The following CSRP1 variants were observed in gnomAD, a reference collection of about 807,000 sequenced individuals.
CSRP1 encodes cysteine and glycine rich protein 1.
CSRP1 carries 16 observed loss-of-function variants against 25.4 expected under a neutral mutation model. That is an observed-to-expected ratio of 0.63 (90% CI 0.43 to 0.96). The LOEUF (loss-of-function observed/expected upper bound fraction) is 0.96. Among genes scored for constraint, CSRP1 ranks in the 40% least tolerant of loss-of-function variants. CSRP1 has a pLI of 0.00. For synonymous variants in CSRP1, 97 were observed against 95.3 expected (o/e 1.02, Z -0.10); for missense variants, 212 against 243.6 (o/e 0.87, Z 0.86).
At chr1:201,491,308 A>C (rs1434123845) in intron 2 of CSRP1, 1 of 152,194 alleles carries the variant, frequency 6.6e-6, no homozygotes, top group Admixed American at 6.5e-5. Flanking sequence ...TTTAAAAATA[A>C]AAATAAAGTT....
chr1:201,490,476 CT>C, intron 2 of CSRP1, 132 bp from the exon 3 acceptor site: 1 of 939,790 alleles, frequency 1.1e-6, no homozygotes, highest in Non-Finnish European at 1.6e-6. Flanking sequence ...CAGGAACTGT[CT>C]ACAAATGGAG....
intron 3 of CSRP1, 146 bp downstream of exon 3, chr1:201,490,030 G>T: frequency 1.3e-6 from 1 of 777,426 alleles, no homozygotes; most frequent in Non-Finnish European, 2.0e-6. Flanking sequence ...CTGACACATA[G>T]ACACTGCTCT....
chr1:201,484,606 G>T lies in CSRP1; in HGVS notation c.*107C>A, dbSNP rs542937648. On this transcript the variant is annotated 3_prime_UTR_variant, in exon 6 of 6. Transcript: ENST00000340006. ...CCCAAGTTCAAGTCATTAGTGATAT[G>T]TGGCAGGGCTGACAGAGAAATAATC... 83 of 1,076,446 alleles carry T rather than the reference G, an allele frequency of 7.7e-5. No individual in the cohort carries two copies. The Admixed American group carries it at 1.9e-3, about 24-fold the overall frequency. The allele number at this position is 1,076,446 out of a possible 1,614,324, so 66.7% of individuals were successfully genotyped here. A position where few individuals can be genotyped will look rare whatever the true frequency, so the allele number is the denominator to read the frequency against.
intron 1 of CSRP1, among the ~76,000 whole-genome samples, chr1:201,505,122 C>CA (rs1157669624): frequency 6.6e-6 from 1 of 151,798 alleles, no homozygotes; most frequent in East Asian, 1.9e-4. Context: ...CAAAAAAGCC[C>CA]AAAAAAAACC....
chr1:201,487,054 T>G (rs780283262), intron 4 of CSRP1: 2 of 1,148,086 alleles, frequency 1.7e-6, no homozygotes, highest in Non-Finnish European at 2.4e-6. Context: ...ATAGCAAAAC[T>G]GTACTGAGGA....
chr1:201,487,290 G>A, intron 4 of CSRP1: 1 of 179,148 alleles, frequency 5.6e-6, no homozygotes, highest in Non-Finnish European at 1.2e-5. Flanking sequence ...GCGCGTGCCT[G>A]TAGTCCCATC....
intron 4 of CSRP1, 117 bp from the exon 5 acceptor site, chr1:201,485,493 A>C (rs1394747447): frequency 5.7e-6 from 5 of 880,508 alleles, no homozygotes; most frequent in Non-Finnish European, 7.4e-6. Context: ...TCTGAAGTCT[A>C]CTCAGCTGGT....
intron 4 of CSRP1, chr1:201,487,068 AC>A: frequency 1.0e-6 from 1 of 992,338 alleles, no homozygotes; most frequent in Non-Finnish European, 1.4e-6. Context: ...CTGAGGACAT[AC>A]CAGGCACTAC....
At position 201,485,232 on chromosome 1, in the gene CSRP1, C is replaced by T. The variant is rs755489328; in HGVS notation, c.505+51G>A. On this transcript the variant is annotated intron_variant, in intron 5 of 5. Transcript: ENST00000340006. Reference sequence around the variant, plus strand: ...TCAGCAAAGGCAAAACTACTTAGCCCCCCTACCCCCTTGGGCCTCCTGACC... The same window carrying T: ...TCAGCAAAGGCAAAACTACTTAGCCTCCCTACCCCCTTGGGCCTCCTGACC... The T allele has an allele frequency of 1.2e-5, 19 of 1,537,390 alleles. No homozygotes were observed. The Admixed American group carries it at 3.2e-4, about 26-fold the overall frequency.
intron 1 of CSRP1, among the ~76,000 whole-genome samples, chr1:201,506,357 C>T (rs1200939886): frequency 2.6e-5 from 4 of 152,166 alleles, no homozygotes; most frequent in Non-Finnish European, 5.9e-5. Flanking sequence ...ACAACAGCAC[C>T]AGAACCAGAA....
intron 2 of CSRP1, among the ~76,000 whole-genome samples, chr1:201,495,065 A>C (rs1167886823): frequency 6.6e-6 from 1 of 152,150 alleles, no homozygotes; most frequent in African/African-American, 2.4e-5. Context: ...TTTTTAACTA[A>C]GACATTCTTC....
At chr1:201,503,584 G>A (rs1446157893) in intron 1 of CSRP1, among the ~76,000 whole-genome samples, 1 of 152,066 alleles carries the variant, frequency 6.6e-6, no homozygotes, top group Non-Finnish European at 1.5e-5. Context: ...TTCTGGCCCT[G>A]GGGAAGCACT....
chr1:201,491,320 A>C (rs1664332255), intron 2 of CSRP1: 2 of 152,224 alleles, frequency 1.3e-5, no homozygotes, highest in Admixed American at 1.3e-4. Context: ...AATAAAGTTA[A>C]AGCAGTTCAG....
chr1:201,504,599 A>G (rs1033674055), intron 1 of CSRP1, among the ~76,000 whole-genome samples: 5 of 152,154 alleles, frequency 3.3e-5, no homozygotes, highest in Admixed American at 1.3e-4. Flanking sequence ...AACTTTAACA[A>G]CCTGCCAGAA....
intron 4 of CSRP1, chr1:201,488,026 T>C (rs917495758): frequency 6.6e-6 from 1 of 152,190 alleles, no homozygotes; most frequent in African/African-American, 2.4e-5. Flanking sequence ...TTCCATAACC[T>C]TGTTGTGTGA....
At chr1:201,494,781 G>A (rs1003280773) in intron 2 of CSRP1, among the ~76,000 whole-genome samples, 1 of 152,208 alleles carries the variant, frequency 6.6e-6, no homozygotes, top group Non-Finnish European at 1.5e-5. Flanking sequence ...CCTGGTGAGG[G>A]CTTCTTTGTA....
chr1:201,498,522 T>G (rs1461286223), intron 1 of CSRP1, among the ~76,000 whole-genome samples: 2 of 152,208 alleles, frequency 1.3e-5, no homozygotes, highest in African/African-American at 4.8e-5. Flanking sequence ...GAGCCCACCC[T>G]CCTGGTAACA....
intron 3 of CSRP1, chr1:201,489,214 C>A: frequency 7.0e-6 from 3 of 431,168 alleles, no homozygotes; most frequent in Admixed American, 3.7e-5. Context: ...CTCGGTCACC[C>A]AGTTAACCCC....
At chr1:201,504,873 T>A (rs1177914130) in intron 1 of CSRP1, among the ~76,000 whole-genome samples, 2 of 150,940 alleles carry the variant, frequency 1.3e-5, no homozygotes, top group Non-Finnish European at 2.9e-5. Context: ...CCGAGGCAGG[T>A]GGATCACCTG....
Sources: allele counts gnomAD v4.1 joint callset (sites outside exome capture counted in the v4.1 genomes callset), GRCh38; gene constraint gnomAD v4.1.1; transcripts MANE v1.5; gene names NCBI Gene and HGNC (gene_info 2026-07-23, HGNC 2026-07-21).